ST3GAL1: variants seen among roughly 807,000 people sequenced by gnomAD.
ST3GAL1 encodes ST3 beta-galactoside alpha-2,3-sialyltransferase 1.
A neutral mutation model predicts 34.1 loss-of-function variants in ST3GAL1; 16 were observed. The observed-to-expected ratio is 0.47, with a 90% CI of 0.32 to 0.71. The LOEUF (loss-of-function observed/expected upper bound fraction) is 0.71. ST3GAL1 is among the 30% of genes least tolerant of loss of function. The pLI, the probability that ST3GAL1 is intolerant of heterozygous loss-of-function variation, is 0.04. For synonymous variants in ST3GAL1, 191 were observed against 184.7 expected (o/e 1.03, Z -0.28); for missense variants, 353 against 447.4 (o/e 0.79, Z 1.90).
intron 1 of ST3GAL1, among the ~76,000 whole-genome samples, chr8:133,546,725 G>A (rs1818683097): frequency 6.6e-6 from 1 of 152,094 alleles, no homozygotes; most frequent in Non-Finnish European, 1.5e-5. Flanking sequence ...CTGGCAGGGT[G>A]CGGTGGCTCA....
intron 7 of ST3GAL1, among the ~76,000 whole-genome samples, chr8:133,463,987 C>T (rs1815627139): frequency 6.6e-6 from 1 of 151,656 alleles, no homozygotes; most frequent in Admixed American, 6.6e-5. Flanking sequence ...GTCTGCCTCC[C>T]TCACTCCCGG....
chr8:133,553,254 G>A (rs2945781), intron 1 of ST3GAL1, among the ~76,000 whole-genome samples: 1 of 152,134 alleles, frequency 6.6e-6, no homozygotes, highest in African/African-American at 2.4e-5. Context: ...GCAGAACTGA[G>A]ACAATCAACT....
At chr8:133,540,107 C>A (rs1048310988) in intron 2 of ST3GAL1, among the ~76,000 whole-genome samples, 1 of 152,126 alleles carries the variant, frequency 6.6e-6, no homozygotes, top group East Asian at 1.9e-4. Flanking sequence ...TTCACTCACG[C>A]CACTTGGATC....
chr8:133,550,156 C>T (rs1287821752), intron 1 of ST3GAL1, among the ~76,000 whole-genome samples: 1 of 152,144 alleles, frequency 6.6e-6, no homozygotes, highest in Non-Finnish European at 1.5e-5. Context: ...ACTTTCCTTG[C>T]CTTTTGGTTT....
At chr8:133,500,083 C>G (rs1162489966) in intron 2 of ST3GAL1, among the ~76,000 whole-genome samples, 1 of 152,222 alleles carries the variant, frequency 6.6e-6, no homozygotes, top group Admixed American at 6.5e-5. Context: ...GAAGAGGGTG[C>G]TCAGTTGAGG....
rs1563733992 is a variant in ST3GAL1 at position 133,540,814 on chromosome 8, TATATATATAGACATATATATAGAGAGAC to T, written c.-429+4932_-429+4959del. On this transcript the variant is annotated intron_variant, in intron 2 of 9. Coordinates refer to ENST00000522652, the MANE Select transcript of ST3GAL1 (RefSeq NM_173344.3). ...ATATAGACATATATATAGAGAGACATATATATATAGACATATATATAGAGAGACATATATATAGAGACATATATATAGA... is the reference window on the plus strand; with the variant it reads ...ATATAGACATATATATAGAGAGACATATATATATAGAGACATATATATAGA... Among the ~76,000 whole-genome samples the T allele has an allele frequency of 7.8e-4, 102 of 131,330 alleles. 2 individuals are homozygous for T. Among genetic ancestry groups the T allele is most frequent in the Non-Finnish European group, 1.0e-3 (62 of 61,834 alleles). 86.2% of individuals were successfully genotyped at this position (131,330 alleles called of 152,430 possible).
chr8:133,561,697 G>T (rs946363152), intron 1 of ST3GAL1, among the ~76,000 whole-genome samples: 2 of 152,170 alleles, frequency 1.3e-5, no homozygotes, highest in African/African-American at 2.4e-5. Context: ...GCACGGGGGT[G>T]AGGTGGAGGC....
At chr8:133,496,731 C>T (rs761381830) in intron 3 of ST3GAL1, among the ~76,000 whole-genome samples, 10 of 152,188 alleles carry the variant, frequency 6.6e-5, no homozygotes, top group South Asian at 2.1e-4. Context: ...TTTCCTGAGA[C>T]GGGGACCAGG....
chr8:133,558,489 T>C (rs1012380269), intron 1 of ST3GAL1, among the ~76,000 whole-genome samples: 8 of 152,154 alleles, frequency 5.3e-5, no homozygotes, highest in African/African-American at 1.7e-4. Context: ...TAGAAGAAGG[T>C]TGAACAAGGT....
rs1182448745 is a variant in ST3GAL1 at position 133,459,502 on chromosome 8, G to C, written c.*262C>G. 2.8e-6 allele frequency: 1 copy of C among 355,650 alleles called. No individual in the cohort carries two copies. The highest frequency in any genetic ancestry group is 4.4e-5 in the East Asian group (1 of 22,572). The allele number at this position is 355,650 out of a possible 1,614,324, so 22.0% of individuals were successfully genotyped here. A position where few individuals can be genotyped will look rare whatever the true frequency, so the allele number is the denominator to read the frequency against. ...GTGTGGAGGTTGAACCTTTCCCAGC[G>C]TCTCCCCAGCTCTAGGGCAGCAGTG... On this transcript the variant is annotated 3_prime_UTR_variant, in exon 10 of 10. Transcript: ENST00000522652. This position sits in a 1 kb window ranked among gnomAD's most constrained non-coding sequence, Gnocchi z 4.7.
At chr8:133,464,999 A>T in intron 6 of ST3GAL1, 42 bp from the exon 7 acceptor site, 1 of 1,573,570 alleles carries the variant, frequency 6.4e-7, no homozygotes, top group Non-Finnish European at 8.7e-7. Flanking sequence ...TAGCACGGGC[A>T]CCCGTTCTCA....
At chr8:133,491,374 T>A (rs76473590) in intron 3 of ST3GAL1, among the ~76,000 whole-genome samples, 1,932 of 152,156 alleles carry the variant, frequency 0.013, 44 homozygotes, top group African/African-American at 0.044. Flanking sequence ...AAGAAAGGAT[T>A]TCCCCCCATT....
rs117461712 is a variant in ST3GAL1 at position 133,463,467 on chromosome 8, T to C, written c.684-8A>G. 12,651 of 1,613,740 alleles carry C rather than the reference T, an allele frequency of 7.8e-3. 63 individuals carry two copies. The highest frequency in any genetic ancestry group is 0.012 in the Middle Eastern group (74 of 6,062). ...GGAACCGGGATGTAGGTGCTGCAGT[T>C]GGAGAAAGAGAAGCTGGTTAATGGG... On this transcript the variant is annotated splice_polypyrimidine_tract_variant and splice_region_variant and intron_variant, in intron 7 of 9. Coordinates refer to ENST00000522652, the MANE Select transcript of ST3GAL1 (RefSeq NM_173344.3).
intron 6 of ST3GAL1, among the ~76,000 whole-genome samples, chr8:133,465,342 G>A (rs1490134368): frequency 6.6e-6 from 1 of 152,118 alleles, no homozygotes; most frequent in Non-Finnish European, 1.5e-5. Context: ...AAGGACTAAA[G>A]TCAGGAATCA....
intron 2 of ST3GAL1, among the ~76,000 whole-genome samples, chr8:133,510,906 T>C (rs963841811): frequency 3.9e-5 from 6 of 152,222 alleles, no homozygotes; most frequent in Non-Finnish European, 1.5e-5. Flanking sequence ...AGCAGGTGAC[T>C]GCGGCGGCCA....
At chr8:133,545,739 T>A (rs937104734) in intron 2 of ST3GAL1, 35 bp downstream of exon 2, 3 of 152,116 alleles carry the variant, frequency 2.0e-5, no homozygotes, top group African/African-American at 7.2e-5. Context: ...AGACAGCACA[T>A]CTCACTTGTG....
chr8:133,541,120 T>TATATATATAGAG lies in ST3GAL1; in HGVS notation c.-429+4653_-429+4654insCTCTATATATAT, dbSNP rs71299078. Among the ~76,000 whole-genome samples, 21 of 48,642 alleles carry TATATATATAGAG rather than the reference T, an allele frequency of 4.3e-4. 1 individual carries two copies. Among genetic ancestry groups the TATATATATAGAG allele is most frequent in the African/African-American group, 2.1e-3 (21 of 10,136 alleles). The allele number at this position is 48,642 out of a possible 152,430, so 31.9% of individuals were successfully genotyped here. On this transcript the variant is annotated intron_variant, in intron 2 of 9. Coordinates refer to ENST00000522652, the MANE Select transcript of ST3GAL1 (RefSeq NM_173344.3). ...ACATATATATATATATATATATATA[T>TATATATATAGAG]AGAGAGAGAGAGAGAGAGAGAGAGA...
chr8:133,563,464 C>T (rs1819304788), intron 1 of ST3GAL1, among the ~76,000 whole-genome samples: 1 of 152,214 alleles, frequency 6.6e-6, no homozygotes. Context: ...TAGGCCCCAA[C>T]AGGGCCGGCT....
At chr8:133,557,374 T>G (rs528892319) in intron 1 of ST3GAL1, among the ~76,000 whole-genome samples, 1 of 152,178 alleles carries the variant, frequency 6.6e-6, no homozygotes, top group Non-Finnish European at 1.5e-5. Context: ...CCTGCTCTAG[T>G]GCAGGAGGGC....
Sources: gnomAD v4.1 joint callset for allele counts (sites outside exome capture counted in the v4.1 genomes callset) on GRCh38, gnomAD v4.1.1 for gene constraint, Gnocchi (gnomAD v3.1) non-coding constraint, MANE v1.5 for transcripts, NCBI Gene and HGNC (gene_info 2026-07-23, HGNC 2026-07-21) for gene names.